The following RBFOX1 variants were observed in gnomAD, a reference collection of about 807,000 sequenced individuals.
RBFOX1 encodes RNA binding fox-1 homolog 1, also known as RNA binding protein fox-1 homolog 1.
Under a neutral mutation model 57.7 loss-of-function variants are expected in RBFOX1, and 8 were observed. That is an observed-to-expected ratio of 0.14 (90% CI 0.08 to 0.25). The LOEUF (loss-of-function observed/expected upper bound fraction) is 0.25, where lower values mean the gene tolerates loss of function less well. Ranked by LOEUF, RBFOX1 falls within the 10% of genes least tolerant of loss-of-function variation. RBFOX1 has a pLI of 1.00. For missense variants in RBFOX1, 611 were observed against 548.5 expected, an observed-to-expected ratio of 1.11 and a Z score of -1.14; for synonymous variants, 326 against 222.4, an observed-to-expected ratio of 1.47 and a Z score of -4.15.
intron 4 of RBFOX1, among the ~76,000 whole-genome samples, chr16:7,371,929 G>A (rs983015231): frequency 6.6e-6 from 1 of 152,040 alleles, no homozygotes; most frequent in African/African-American, 2.4e-5. Context: ...ACACTAGGTG[G>A]CTGTGACATA....
chr16:6,619,742 G>A (rs960888183), intron 2 of RBFOX1, among the ~76,000 whole-genome samples: 3 of 114,604 alleles, frequency 2.6e-5, no homozygotes, highest in African/African-American at 1.0e-4. Context: ...GGTTACAAAT[G>A]TACTGTTTTT....
intron 2 of RBFOX1, among the ~76,000 whole-genome samples, chr16:6,576,723 G>A (rs1011936890): frequency 6.6e-6 from 1 of 152,128 alleles, no homozygotes; most frequent in African/African-American, 2.4e-5. Flanking sequence ...AACAAAAGAG[G>A]CAATAATTTT....
At chr16:6,527,871 T>C (rs747576957) in intron 2 of RBFOX1, among the ~76,000 whole-genome samples, 46 of 152,128 alleles carry the variant, frequency 3.0e-4, no homozygotes, top group Admixed American at 3.3e-4. Flanking sequence ...TATGCACAAT[T>C]CAAAAGAGTG....
chr16:7,150,544 G>A (rs965862320), intron 4 of RBFOX1, among the ~76,000 whole-genome samples: 3 of 152,178 alleles, frequency 2.0e-5, no homozygotes, highest in Non-Finnish European at 2.9e-5. Flanking sequence ...TGGCTACCGT[G>A]TGATCAACTC....
intron 1 of RBFOX1, among the ~76,000 whole-genome samples, chr16:5,374,782 C>A (rs1449016697): frequency 1.3e-5 from 2 of 149,064 alleles, no homozygotes; most frequent in Non-Finnish European, 1.5e-5. Context: ...TGTGTGAAAA[C>A]GATATAATAT....
At chr16:6,381,302 G>A (rs1169082898) in intron 2 of RBFOX1, among the ~76,000 whole-genome samples, 1 of 152,154 alleles carries the variant, frequency 6.6e-6, no homozygotes, top group African/African-American at 2.4e-5. Flanking sequence ...GTACCCAAAA[G>A]GTAATTTTTC....
intron 4 of RBFOX1, among the ~76,000 whole-genome samples, chr16:7,085,304 C>T (rs1427535633): frequency 6.6e-6 from 1 of 152,136 alleles, no homozygotes; most frequent in Admixed American, 6.5e-5. Context: ...AGCACCGGCT[C>T]ATGGTTATCA....
intron 4 of RBFOX1, among the ~76,000 whole-genome samples, chr16:7,497,870 A>G (rs2069210939): frequency 1.3e-5 from 2 of 152,208 alleles, no homozygotes; most frequent in African/African-American, 4.8e-5. Flanking sequence ...ACACACAGCG[A>G]ATGTCTGAGC....
At position 6,924,333 on chromosome 16, in the gene RBFOX1, G is replaced by C. The variant is rs948269498; in HGVS notation, c.-15-127724G>C. Among the ~76,000 whole-genome samples, 9 of 152,122 alleles carry C rather than the reference G, an allele frequency of 5.9e-5. No individual in the cohort carries two copies. In the South Asian group the frequency reaches 1.9e-3, roughly 32 times the overall value. On this transcript the variant is annotated intron_variant, in intron 3 of 15. Transcript: ENST00000550418. The stretch of plus-strand genomic sequence containing the variant: ...CTCAGGGAGGTTCCACTCATCATGG[G>C]AGGCATGTTGGGCAGGGAAGAGGAA...
chr16:7,512,509 G>T (rs372414193), intron 4 of RBFOX1, among the ~76,000 whole-genome samples: 1 of 152,238 alleles, frequency 6.6e-6, no homozygotes, highest in Non-Finnish European at 1.5e-5. Flanking sequence ...ACGGCTGTCA[G>T]TGTTAATAAG....
intron 4 of RBFOX1, among the ~76,000 whole-genome samples, chr16:7,088,181 C>A (rs1291726245): frequency 3.9e-5 from 6 of 152,062 alleles, no homozygotes; most frequent in Non-Finnish European, 2.9e-5. Flanking sequence ...TTTTTGAAAA[C>A]ATTGATGGTG....
chr16:6,758,812 C>G (rs1039249855), intron 3 of RBFOX1, among the ~76,000 whole-genome samples: 3 of 152,080 alleles, frequency 2.0e-5, no homozygotes, highest in African/African-American at 4.8e-5. Flanking sequence ...TTAGAAATTT[C>G]TTAAAAAGAA....
At chr16:7,464,899 G>A (rs764180099) in intron 4 of RBFOX1, among the ~76,000 whole-genome samples, 2 of 151,628 alleles carry the variant, frequency 1.3e-5, no homozygotes, top group East Asian at 1.9e-4. Flanking sequence ...GGGTTTCACC[G>A]TGTTAGCCAG....
At chr16:6,974,351 T>C (rs2086300346) in intron 3 of RBFOX1, among the ~76,000 whole-genome samples, 1 of 142,594 alleles carries the variant, frequency 7.0e-6, no homozygotes, top group Admixed American at 7.1e-5. Flanking sequence ...TTTTTTTTTT[T>C]TTTTTTTTTT....
rs951584318 is a variant in RBFOX1, at chr16:7,486,712, C to G, written c.28-31435C>G. Among the ~76,000 whole-genome samples the G allele has an allele frequency of 2.6e-5, 4 of 152,028 alleles. No individual in the cohort carries two copies. In the East Asian group the frequency reaches 7.7e-4, roughly 29 times the overall value. ...ATCTCCTGCCATTTTGGAGCAGATG[C>G]TAAGAAGCAAGTCATTCAGCTGAGG... is the stretch of plus-strand genomic sequence containing the variant. On this transcript the variant is annotated intron_variant, in intron 4 of 15. Transcript: ENST00000550418.
chr16:5,348,529 A>G (rs2065192859), intron 1 of RBFOX1, among the ~76,000 whole-genome samples: 1 of 152,174 alleles, frequency 6.6e-6, no homozygotes, highest in Admixed American at 6.5e-5. Flanking sequence ...CATATCTAAG[A>G]AGTGGAGGAG....
At chr16:7,701,423 C>G (rs921207196) in intron 14 of RBFOX1, among the ~76,000 whole-genome samples, 1 of 152,174 alleles carries the variant, frequency 6.6e-6, no homozygotes, top group Non-Finnish European at 1.5e-5. Context: ...GAGCACCAAC[C>G]CTACTGTAAA....
chr16:6,032,956 C>T (rs1017861721), intron 1 of RBFOX1, among the ~76,000 whole-genome samples: 13 of 148,332 alleles, frequency 8.8e-5, no homozygotes, highest in Non-Finnish European at 1.8e-4. Flanking sequence ...AGCTTAGCTT[C>T]TGAGAAGCTA....
intron 5 of RBFOX1, among the ~76,000 whole-genome samples, chr16:7,538,047 G>C (rs184054234): frequency 1.3e-5 from 2 of 152,282 alleles, no homozygotes; most frequent in African/African-American, 4.8e-5. Flanking sequence ...GAAAGAGTGA[G>C]AAATCAATGG....
Sources: allele counts gnomAD v4.1 joint callset (sites outside exome capture counted in the v4.1 genomes callset), GRCh38; gene constraint gnomAD v4.1.1; transcripts MANE v1.5; gene names NCBI Gene and HGNC (gene_info 2026-07-23, HGNC 2026-07-21).